Variants in CCDC175 observed in about 807,000 individuals in gnomAD.
CCDC175 encodes coiled-coil domain containing 175.
Under a neutral mutation model 114.6 loss-of-function variants are expected in CCDC175, and 100 were observed. The ratio of observed to expected loss-of-function variants is 0.87; its 90% CI spans 0.74 to 1.03. The LOEUF is 1.03. Ranked by LOEUF, CCDC175 falls within the 50% of genes least tolerant of loss-of-function variation. The probability of loss-of-function intolerance (pLI) is 0.00; values close to 1 mark genes in which losing one functional copy is unlikely to be tolerated. For synonymous variants in CCDC175, 306 were observed against 308.7 expected (o/e 0.99, Z 0.09); for missense variants, 880 against 917.8 (o/e 0.96, Z 0.53).
chr14:59,567,216 C>T (rs947159077), intron 4 of CCDC175, among the ~76,000 whole-genome samples: 9 of 152,320 alleles, frequency 5.9e-5, no homozygotes, highest in East Asian at 3.9e-4. Context: ...GTGGCTAGCA[C>T]GCACCACACA....
intron 8 of CCDC175, among the ~76,000 whole-genome samples, chr14:59,548,323 G>T (rs1283219488): frequency 6.6e-6 from 1 of 152,164 alleles, no homozygotes; most frequent in Non-Finnish European, 1.5e-5. Context: ...GGGAAAAAAA[G>T]GTAAAGTTTG....
At chr14:59,537,976 C>T (rs752035810) in intron 13 of CCDC175, 47 bp downstream of exon 13, 69 of 1,358,846 alleles carry the variant, frequency 5.1e-5, no homozygotes, top group Non-Finnish European at 6.6e-5. Flanking sequence ...CCCCCTCCCC[C>T]TCATGTAGTC....
At chr14:59,568,734 A>G (rs1398874871) in intron 3 of CCDC175, among the ~76,000 whole-genome samples, 1 of 152,210 alleles carries the variant, frequency 6.6e-6, no homozygotes, top group Non-Finnish European at 1.5e-5. Flanking sequence ...CCAGAAGTAC[A>G]AGAGGTAGGG....
chr14:59,506,190 A>C (rs1892367881), intron 19 of CCDC175, among the ~76,000 whole-genome samples: 1 of 152,074 alleles, frequency 6.6e-6, no homozygotes, highest in African/African-American at 2.4e-5. Flanking sequence ...TGCACATTGA[A>C]GCCATCTGGA....
intron 10 of CCDC175, 28 bp downstream of exon 10, chr14:59,543,316 T>C (rs1163939253): frequency 5.1e-6 from 4 of 789,586 alleles, no homozygotes; most frequent in Middle Eastern, 2.3e-4. Flanking sequence ...AAAGTAAAGA[T>C]AAAAAATTTC....
intron 8 of CCDC175, among the ~76,000 whole-genome samples, chr14:59,547,198 T>C (rs939413730): frequency 6.6e-6 from 1 of 152,338 alleles, no homozygotes; most frequent in African/African-American, 2.4e-5. Flanking sequence ...GGACACATCA[T>C]AGTGCAACTG....
chr14:59,550,513 T>C (rs937897433), intron 8 of CCDC175, among the ~76,000 whole-genome samples: 4 of 152,110 alleles, frequency 2.6e-5, no homozygotes, highest in African/African-American at 7.2e-5. Context: ...TATTATAATA[T>C]GTGTATTAGT....
rs867229136 is a variant in CCDC175 at position 59,553,702 on chromosome 14, G to A, written c.954-2266C>T. 9.1e-4 allele frequency among the ~76,000 whole-genome samples: 139 copies of A among 152,260 alleles called. 1 individual carries two copies. Among genetic ancestry groups the A allele is most frequent in the Admixed American group, 9.2e-4 (14 of 15,294 alleles). ...ATAAAAAGTCAAGACCCATCAGTGTGCTGTATTCAGGAGACCCATCTCATA... is the reference window on the plus strand; with the variant it reads ...ATAAAAAGTCAAGACCCATCAGTGTACTGTATTCAGGAGACCCATCTCATA... On this transcript the variant is annotated intron_variant, in intron 7 of 19. Coordinates refer to ENST00000537690, the MANE Select transcript of CCDC175 (RefSeq NM_001164399.2).
chr14:59,560,354 T>C (rs1363425828), intron 7 of CCDC175, among the ~76,000 whole-genome samples: 1 of 152,182 alleles, frequency 6.6e-6, no homozygotes, highest in Non-Finnish European at 1.5e-5. Flanking sequence ...AGTGAACCAC[T>C]GCAGTAGTCC....
chr14:59,525,617 G>A (rs964499390), intron 15 of CCDC175, among the ~76,000 whole-genome samples, 183 bp from the exon 16 acceptor site: 8 of 152,052 alleles, frequency 5.3e-5, no homozygotes, highest in Non-Finnish European at 1.0e-4. Flanking sequence ...CTCTAGGAAG[G>A]GGGTCTGTGG....
chr14:59,508,970 T>A (rs989986205), intron 19 of CCDC175, among the ~76,000 whole-genome samples: 1 of 152,166 alleles, frequency 6.6e-6, no homozygotes, highest in Admixed American at 6.6e-5. Flanking sequence ...CTATAGCAAG[T>A]TCTGCATAAA....
At position 59,538,745 on chromosome 14, in the gene CCDC175, A is replaced by T. The variant is rs182831352; in HGVS notation, c.1451T>A (p.Ile484Asn). Residue 484 changes from isoleucine to asparagine, a missense_variant, in exon 12 of 20, where the codon ATT becomes AAT. Physicochemically the swap from Ile to Asn is moderately radical, Grantham distance 149. Coordinates refer to ENST00000537690, the MANE Select transcript of CCDC175 (RefSeq NM_001164399.2). ...AATTCGTCTAACTTCTGCATTCTGA[A>T]TTTTTTCTGTAATAGCTTGTATTTC... ...KAEIQAITEKIQNAEVRRIEL... is the reference protein window; with the variant it reads ...KAEIQAITEKNQNAEVRRIEL... 2.4e-3 allele frequency: 3,689 copies of T among 1,536,018 alleles called. 123 individuals are homozygous for T. In the Admixed American group the frequency reaches 0.062, roughly 26 times the overall value.
chr14:59,567,474 C>G (rs771364843), intron 4 of CCDC175, among the ~76,000 whole-genome samples: 1 of 152,086 alleles, frequency 6.6e-6, no homozygotes. Context: ...GATAAGGGCT[C>G]TTTGTGAACA....
At chr14:59,516,119 T>C (rs147159406) in intron 17 of CCDC175, among the ~76,000 whole-genome samples, 59 of 152,130 alleles carry the variant, frequency 3.9e-4, no homozygotes, top group African/African-American at 1.3e-3. Flanking sequence ...TTGAAACCAA[T>C]GAGAACAAAG....
intron 3 of CCDC175, among the ~76,000 whole-genome samples, chr14:59,571,329 C>T (rs1020661189): frequency 1.3e-5 from 2 of 151,994 alleles, no homozygotes; most frequent in African/African-American, 4.8e-5. Context: ...AAAAGGCAAC[C>T]CATGGAATGG....
At chr14:59,511,217 T>C (rs533471805) in intron 18 of CCDC175, among the ~76,000 whole-genome samples, 2 of 152,334 alleles carry the variant, frequency 1.3e-5, no homozygotes, top group African/African-American at 4.8e-5. Flanking sequence ...ATAAACCCTC[T>C]GGGCCTCCGC....
Position 59,516,225 on chromosome 14 carries a change from A to C in CCDC175, c.2099-4422T>G, listed in dbSNP as rs147310643. 5.5e-4 allele frequency among the ~76,000 whole-genome samples: 84 copies of C among 152,360 alleles called. 2 individuals are homozygous for C. In the East Asian group the frequency reaches 0.016, roughly 29 times the overall value. On this transcript the variant is annotated intron_variant, in intron 17 of 19. Coordinates refer to ENST00000537690, the MANE Select transcript of CCDC175 (RefSeq NM_001164399.2). ...CCACAAGAGAAAGCAGGAAAGATCTAAAATTGACACCCTAACATCACAATT... is the reference window on the plus strand; with the variant it reads ...CCACAAGAGAAAGCAGGAAAGATCTCAAATTGACACCCTAACATCACAATT...
intron 13 of CCDC175, among the ~76,000 whole-genome samples, chr14:59,533,380 T>C (rs938075142): frequency 6.6e-6 from 1 of 152,196 alleles, no homozygotes; most frequent in Non-Finnish European, 1.5e-5. Flanking sequence ...ATCAGGCTAT[T>C]AGGGGAAGGA....
chr14:59,576,191 A>T (rs1175013902), intron 1 of CCDC175, among the ~76,000 whole-genome samples: 1 of 152,192 alleles, frequency 6.6e-6, no homozygotes, highest in African/African-American at 2.4e-5. Context: ...GAAGCCTCTT[A>T]AACACTCCCT....
Sources: allele counts gnomAD v4.1 joint callset (sites outside exome capture counted in the v4.1 genomes callset), GRCh38; gene constraint gnomAD v4.1.1; transcripts MANE v1.5; gene names NCBI Gene and HGNC (gene_info 2026-07-23, HGNC 2026-07-21).